The following DGKZ variants were observed in gnomAD, a reference collection of about 807,000 sequenced individuals.
DGKZ encodes DAG kinase zeta.
DGKZ carries 45 observed loss-of-function variants against 142.5 expected under a neutral mutation model. The ratio of observed to expected loss-of-function variants is 0.32; its 90% CI spans 0.25 to 0.40. The LOEUF (loss-of-function observed/expected upper bound fraction) is 0.40, where lower values mean the gene tolerates loss of function less well. Among genes scored for constraint, DGKZ ranks in the 10% least tolerant of loss-of-function variants. The pLI is 1.00. For missense variants in DGKZ, 755 were observed against 1,306.5 expected (o/e 0.58, Z 6.51); for synonymous variants, 442 against 527.0 (o/e 0.84, Z 2.21).
rs532059720 is a variant in DGKZ, at chr11:46,372,805, G to A, written c.1106G>A (p.Arg369His). The change falls in exon 13 of 31, where the codon CGC (arginine) becomes CAC (histidine). Residue 369 changes from arginine (R) to histidine (H), a missense_variant. By Grantham distance (29) the Arg-to-His change is conservative. Transcript: ENST00000527911. The surrounding 1 kb of genome is among the most constrained non-coding windows in gnomAD (Gnocchi z 5.9). ...ATCCTCTCCACCCTGGACCAGCTAC[G>A]CCTGAAGCCGCCACCCCCTGTTGCC... is the stretch of plus-strand genomic sequence containing the variant. The A allele has an allele frequency of 1.6e-5, 26 of 1,603,500 alleles. No homozygotes were observed. In the Middle Eastern group the frequency reaches 6.6e-4, roughly 41 times the overall value.
exon 20 of DGKZ, chr11:46,375,521 G>C: frequency 6.3e-7 from 1 of 1,590,218 alleles, no homozygotes; most frequent in Middle Eastern, 1.7e-4. Context: ...CGGTGCAGGT[G>C]GATGGCGAGC....
intron 1 of DGKZ, among the ~76,000 whole-genome samples, chr11:46,338,172 C>A (rs1940100348): frequency 6.6e-6 from 1 of 152,158 alleles, no homozygotes; most frequent in African/African-American, 2.4e-5. Flanking sequence ...CAATACCATT[C>A]TTTTGCTTTT....
At chr11:46,344,091 G>C (rs779744563), upstream of DGKZ, among the ~76,000 whole-genome samples, 5 of 151,380 alleles carry the variant, frequency 3.3e-5, no homozygotes, top group Non-Finnish European at 7.4e-5. Context: ...CTGGGATTAC[G>C]GATGTCCACC....
chr11:46,363,466 C>T (rs907692394), intron 1 of DGKZ, among the ~76,000 whole-genome samples: 5 of 152,218 alleles, frequency 3.3e-5, no homozygotes, highest in Admixed American at 6.5e-5. Flanking sequence ...CTGGGAGGGG[C>T]GGCATCATCG....
At chr11:46,377,123 G>A (rs901395508) in exon 25 of DGKZ, 11 of 1,613,312 alleles carry the variant, frequency 6.8e-6, no homozygotes, top group Non-Finnish European at 9.3e-6. Flanking sequence ...TTTATATCCT[G>A]GACCCTGAGC....
rs1943451654 is a variant in DGKZ, at chr11:46,367,542, G to T, written c.271-110G>T. Reference sequence around the variant, plus strand: ...GGGGCAGACGGAACAGAGCAGGGTCGATCGGGGCGCTGGAGTGGGTTTGTC... The same window carrying T: ...GGGGCAGACGGAACAGAGCAGGGTCTATCGGGGCGCTGGAGTGGGTTTGTC... On this transcript the variant is annotated intron_variant, in intron 2 of 30. Transcript: ENST00000527911. This position sits in a 1 kb window ranked among gnomAD's most constrained non-coding sequence, Gnocchi z 4.1. 7.9e-7 allele frequency: 1 copy of T among 1,273,332 alleles called. No homozygotes were observed. The highest frequency in any genetic ancestry group is 1.4e-5 in the South Asian group (1 of 69,420). The allele number at this position is 1,273,332 out of a possible 1,614,324, so 78.9% of individuals were successfully genotyped here. A position where few individuals can be genotyped will look rare whatever the true frequency, so the allele number is the denominator to read the frequency against.
At chr11:46,334,087 T>G (rs1432916599) in intron 1 of DGKZ, among the ~76,000 whole-genome samples, 1 of 143,110 alleles carries the variant, frequency 7.0e-6, no homozygotes, top group Non-Finnish European at 1.5e-5. Context: ...AGTGTCAGAG[T>G]CTCTTGGCCT....
At chr11:46,341,941 G>A (rs939688814) in intron 1 of DGKZ, among the ~76,000 whole-genome samples, 17 of 152,200 alleles carry the variant, frequency 1.1e-4, no homozygotes, top group Non-Finnish European at 2.1e-4. Context: ...GCCAGAGAAC[G>A]TAAGGAGCCG....
At chr11:46,365,151 C>G (rs1307644335) in intron 1 of DGKZ, 1 of 985,254 alleles carries the variant, frequency 1.0e-6, no homozygotes, top group East Asian at 1.1e-4. Flanking sequence ...TCCATGGAGG[C>G]CAGGTCCAGG....
At chr11:46,356,283 A>G (rs895302110) in intron 1 of DGKZ, among the ~76,000 whole-genome samples, 1 of 152,156 alleles carries the variant, frequency 6.6e-6, no homozygotes, top group African/African-American at 2.4e-5. Flanking sequence ...AGCCCAGACC[A>G]GACTTGTCCA....
At chr11:46,376,096 G>A in exon 22 of DGKZ, 1 of 1,611,752 alleles carries the variant, frequency 6.2e-7, no homozygotes, top group Non-Finnish European at 8.5e-7. Context: ...GTGGTCCCAG[G>A]AGACAGTGAC....
intron 1 of DGKZ, among the ~76,000 whole-genome samples, chr11:46,341,624 G>A (rs1055047319): frequency 1.3e-5 from 2 of 152,204 alleles, no homozygotes; most frequent in East Asian, 1.9e-4. Context: ...CAGTCACACA[G>A]CAAGGGCTGG....
chr11:46,372,583 C>T lies in DGKZ; in HGVS notation c.1011-34C>T, dbSNP rs758929167. ...TCACTCCTGGGGTACAGCACACATC[C>T]CCTGACCCCACTGCCATCTTCCCAT... On this transcript the variant is annotated intron_variant, in intron 11 of 30. Coordinates refer to ENST00000527911, the Ensembl canonical transcript of DGKZ. The surrounding 1 kb of genome is among the most constrained non-coding windows in gnomAD (Gnocchi z 5.9). 12 of 1,613,818 alleles carry T rather than the reference C, an allele frequency of 7.4e-6. No homozygotes were observed. Among genetic ancestry groups the T allele is most frequent in the Middle Eastern group, 1.7e-4 (1 of 6,060 alleles).
Position 46,370,466 on chromosome 11 carries a change from G to A in DGKZ, c.570+457G>A, listed in dbSNP as rs543479788. 2.0e-5 allele frequency among the ~76,000 whole-genome samples: 3 copies of A among 152,350 alleles called. No homozygotes were observed. In the South Asian group the frequency reaches 6.2e-4, roughly 32 times the overall value. On this transcript the variant is annotated intron_variant, in intron 6 of 30. Coordinates refer to ENST00000527911, the Ensembl canonical transcript of DGKZ. ...TGCCCGCCTCCCTCAGTAAGTGCAG[G>A]CTCTCAAAGATGGAGAGGCTTGCTT...
chr11:46,349,126 CTG>C (rs750778064), intron 1 of DGKZ, among the ~76,000 whole-genome samples: 5 of 152,260 alleles, frequency 3.3e-5, no homozygotes, highest in East Asian at 1.9e-4. Context: ...CACCTGCACT[CTG>C]TCTCTGAGCA....
At chr11:46,333,799 G>C (rs368198007) in intron 1 of DGKZ, among the ~76,000 whole-genome samples, 100 of 152,264 alleles carry the variant, frequency 6.6e-4, no homozygotes, top group Middle Eastern at 6.8e-3. Context: ...AGAGCCAGGA[G>C]ATGCCCCCTG....
intron 1 of DGKZ, among the ~76,000 whole-genome samples, chr11:46,341,412 C>T (rs770694083): frequency 6.6e-6 from 1 of 152,218 alleles, no homozygotes; most frequent in Non-Finnish European, 1.5e-5. Flanking sequence ...GGTAAGGGAT[C>T]AGCAGGTGGG....
chr11:46,369,815 C>T (rs1943743953), intron 5 of DGKZ, 126 bp from the exon 6 acceptor site: 1 of 1,057,858 alleles, frequency 9.5e-7, no homozygotes, highest in Non-Finnish European at 1.4e-6. Flanking sequence ...TTTAGCCCCT[C>T]CTCCACTCAT....
In DGKZ at chr11:46,371,445, CTG is replaced by C. The variant is rs757205635; in HGVS notation, c.643-41_643-40del. On this transcript the variant is annotated intron_variant, in intron 7 of 30. Coordinates refer to ENST00000527911, the Ensembl canonical transcript of DGKZ. ...CACTGCTGGGTTTGGGTCCCCGAGTCTGAACACGGTCCCGCTGAGCCCGGCCC... is the reference window on the plus strand; with the variant it reads ...CACTGCTGGGTTTGGGTCCCCGAGTCAACACGGTCCCGCTGAGCCCGGCCC... 3.2e-5 allele frequency: 51 copies of C among 1,607,146 alleles called. 1 individual carries two copies. The Admixed American group carries it at 8.4e-4, about 27-fold the overall frequency.
Sources: gnomAD v4.1 joint callset for allele counts (sites outside exome capture counted in the v4.1 genomes callset) on GRCh38, gnomAD v4.1.1 for gene constraint, Gnocchi (gnomAD v3.1) non-coding constraint, MANE v1.5 for transcripts, NCBI Gene and HGNC (gene_info 2026-07-23, HGNC 2026-07-21) for gene names.